CA5A: variants seen among roughly 807,000 people sequenced by gnomAD.
CA5A encodes carbonic anhydrase 5A, mitochondrial.
Under a neutral mutation model 37.1 loss-of-function variants are expected in CA5A, and 28 were observed. The ratio of observed to expected loss-of-function variants is 0.75; its 90% CI spans 0.56 to 1.03. CA5A has a LOEUF of 1.03. Among genes scored for constraint, CA5A ranks in the 50% least tolerant of loss-of-function variants. The probability of loss-of-function intolerance (pLI) is 0.00; values close to 1 mark genes in which losing one functional copy is unlikely to be tolerated. For synonymous variants in CA5A, 171 were observed against 158.4 expected, an observed-to-expected ratio of 1.08 and a Z score of -0.60; for missense variants, 444 against 399.9, an observed-to-expected ratio of 1.11 and a Z score of -0.94.
At chr16:87,915,994 G>C (rs1031461337) in intron 2 of CA5A, among the ~76,000 whole-genome samples, 1 of 151,902 alleles carries the variant, frequency 6.6e-6, no homozygotes, top group African/African-American at 2.4e-5. Context: ...ACGGCAGAAG[G>C]CGAAAGGCAG....
At chr16:87,936,248 AG>A in intron 1 of CA5A, 60 bp downstream of exon 1, 1 of 1,211,556 alleles carries the variant, frequency 8.3e-7, no homozygotes, top group South Asian at 1.2e-5. Flanking sequence ...TCCTCTCGAA[AG>A]ACCCCATCAG....
intron 1 of CA5A, among the ~76,000 whole-genome samples, chr16:87,930,084 G>C (rs1447736375): frequency 6.6e-6 from 1 of 152,006 alleles, no homozygotes; most frequent in Non-Finnish European, 1.5e-5. Context: ...TTCTCTCTTG[G>C]TTTTTCTCTC....
intron 3 of CA5A, 129 bp from the exon 4 acceptor site, chr16:87,902,649 G>C: frequency 4.8e-6 from 3 of 626,452 alleles, no homozygotes; most frequent in Non-Finnish European, 9.0e-6. Context: ...GCTCACACCT[G>C]TAATCCCAGC....
chr16:87,904,597 C>T (rs377272059), intron 3 of CA5A, among the ~76,000 whole-genome samples, 189 bp downstream of exon 3: 1 of 152,196 alleles, frequency 6.6e-6, no homozygotes, highest in African/African-American at 2.4e-5. Context: ...GAACTTACAG[C>T]GCCTTCCTCG....
chr16:87,902,799 G>T (rs2055898857), intron 3 of CA5A, among the ~76,000 whole-genome samples: 2 of 151,460 alleles, frequency 1.3e-5, no homozygotes, highest in South Asian at 4.2e-4. Context: ...GTAGTCCCAG[G>T]TACTCAGGAG....
chr16:87,905,936 C>G (rs377140355), intron 2 of CA5A, among the ~76,000 whole-genome samples: 2 of 152,224 alleles, frequency 1.3e-5, no homozygotes. Flanking sequence ...GCCTCTGGCT[C>G]TGGCCCCCAG....
intron 6 of CA5A, among the ~76,000 whole-genome samples, chr16:87,889,739 C>G (rs1171749569): frequency 1.3e-5 from 2 of 151,960 alleles, no homozygotes; most frequent in Non-Finnish European, 2.9e-5. Flanking sequence ...CCATTGCACT[C>G]CAGCCCGGGC....
rs185861640 is a variant in CA5A, at chr16:87,889,544, T to C, written c.775-1272A>G. 6.1e-3 allele frequency among the ~76,000 whole-genome samples: 931 copies of C among 151,846 alleles called. 7 individuals are homozygous for C. Among genetic ancestry groups the C allele is most frequent in the African/African-American group, 0.021 (860 of 41,436 alleles). On this transcript the variant is annotated intron_variant, in intron 6 of 6. Coordinates refer to ENST00000649794, the MANE Select transcript of CA5A (RefSeq NM_001739.2). ...ATCCCAGCACTTTGGGAGGCCGAGG[T>C]GGGTGAATCACCTGAGGTCAGGAGT... is the stretch of plus-strand genomic sequence containing the variant.
At chr16:87,931,197 C>T (rs546401718) in intron 1 of CA5A, among the ~76,000 whole-genome samples, 3 of 151,596 alleles carry the variant, frequency 2.0e-5, no homozygotes, top group African/African-American at 4.9e-5. Context: ...CTGCAACCTC[C>T]GCCTCCCGGG....
Position 87,888,112 on chromosome 16 carries a change from A to G in CA5A, c.*17T>C, listed in dbSNP as rs548311929. ...TCCTTCAAAGTCAGTTCTGCTATTC[A>G]TGTGGACCTAATGTCTCTAGGACCT... On this transcript the variant is annotated 3_prime_UTR_variant, in exon 7 of 7. Transcript: ENST00000649794. The G allele has an allele frequency of 2.5e-6, 4 of 1,581,766 alleles. No homozygotes were observed. Among genetic ancestry groups the G allele is most frequent in the South Asian group, 1.1e-5 (1 of 87,974 alleles).
chr16:87,931,367 C>G (rs1597591377), intron 1 of CA5A, among the ~76,000 whole-genome samples: 1 of 152,202 alleles, frequency 6.6e-6, no homozygotes, highest in Non-Finnish European at 1.5e-5. Flanking sequence ...CTGCCTCGGC[C>G]TCCCAAAGTG....
chr16:87,927,980 G>A (rs915032767), intron 1 of CA5A, among the ~76,000 whole-genome samples: 4 of 152,058 alleles, frequency 2.6e-5, no homozygotes, highest in Non-Finnish European at 5.9e-5. Flanking sequence ...CTAAGAGAAA[G>A]CTGGATCTTT....
chr16:87,915,812 T>C (rs2056132229), intron 2 of CA5A, among the ~76,000 whole-genome samples: 1 of 151,798 alleles, frequency 6.6e-6, no homozygotes, highest in East Asian at 1.9e-4. Context: ...TAACCACATG[T>C]ATTTGGTAAG....
At chr16:87,934,061 G>A (rs569409137) in intron 1 of CA5A, among the ~76,000 whole-genome samples, 11 of 152,342 alleles carry the variant, frequency 7.2e-5, no homozygotes, top group Non-Finnish European at 1.6e-4. Flanking sequence ...CCCACTGACA[G>A]GGAAATGCTT....
intron 5 of CA5A, chr16:87,893,643 G>A (rs1381141907): frequency 3.1e-6 from 2 of 637,532 alleles, no homozygotes; most frequent in African/African-American, 1.9e-5. Flanking sequence ...CTGTGCCCCT[G>A]GTGCCGACAA....
rs1163370957 is a variant in CA5A at position 87,905,788 on chromosome 16, A to C, written c.341-884T>G. On this transcript the variant is annotated intron_variant, in intron 2 of 6. Transcript: ENST00000649794. ...CACTCCTTCCTTCCTAAGTCACCCT[A>C]AACACTCACCTTGGAGTCAGCACTC... 2.6e-5 allele frequency among the ~76,000 whole-genome samples: 4 copies of C among 152,200 alleles called. No homozygotes were observed. The East Asian group carries it at 7.7e-4, about 29-fold the overall frequency.
At chr16:87,927,016 A>G in intron 1 of CA5A, 71 bp from the exon 2 acceptor site, 1 of 1,098,482 alleles carries the variant, frequency 9.1e-7, no homozygotes, top group Non-Finnish European at 1.3e-6. Context: ...GACAGGGCAG[A>G]AACCCGGCCG....
intron 5 of CA5A, chr16:87,893,380 G>T: frequency 9.1e-6 from 4 of 440,520 alleles, no homozygotes; most frequent in South Asian, 7.0e-5. Flanking sequence ...GCCCACCTCG[G>T]CCTCCCAAAG....
In CA5A at chr16:87,923,988, A is replaced by G. The variant is rs191846475; in HGVS notation, c.340+2760T>C. 1.2e-3 allele frequency: 1,179 copies of G among 985,406 alleles called. 46 individuals carry two copies. The highest frequency in any genetic ancestry group is 5.2e-4 in the Middle Eastern group (1 of 1,914). The allele number at this position is 985,406 out of a possible 1,614,324, so 61.0% of individuals were successfully genotyped here. Reference sequence around the variant, plus strand: ...AAATAATATAACCACATTAAAACTGAAAAGCCAATCTGAGTTGCTTCTTGG... The same window carrying G: ...AAATAATATAACCACATTAAAACTGGAAAGCCAATCTGAGTTGCTTCTTGG... On this transcript the variant is annotated intron_variant, in intron 2 of 6. Coordinates refer to ENST00000649794, the MANE Select transcript of CA5A (RefSeq NM_001739.2).
Sources: allele counts gnomAD v4.1 joint callset (sites outside exome capture counted in the v4.1 genomes callset), GRCh38; gene constraint gnomAD v4.1.1; transcripts MANE v1.5; gene names NCBI Gene and HGNC (gene_info 2026-07-23, HGNC 2026-07-21).